CTNNA3: variants seen among roughly 807,000 people sequenced by gnomAD.
The protein encoded by CTNNA3 is catenin alpha-3.
Under a neutral mutation model 95.7 loss-of-function variants are expected in CTNNA3, and 76 were observed. The observed-to-expected ratio is 0.79, with a 90% CI of 0.66 to 0.96. CTNNA3 has a LOEUF of 0.96. Among genes scored for constraint, CTNNA3 ranks in the 40% least tolerant of loss-of-function variants. The probability of loss-of-function intolerance (pLI) is 0.00; values close to 1 mark genes in which losing one functional copy is unlikely to be tolerated. For missense variants in CTNNA3, 1,191 were observed against 1,089.8 expected (o/e 1.09, Z -1.31); for synonymous variants, 431 against 374.4 (o/e 1.15, Z -1.74).
chr10:66,662,382 C>T (rs1372796610), intron 9 of CTNNA3, among the ~76,000 whole-genome samples: 1 of 152,150 alleles, frequency 6.6e-6, no homozygotes, highest in Non-Finnish European at 1.5e-5. Flanking sequence ...AATCCTACTA[C>T]ATTTTGCTGG....
At chr10:67,494,495 C>T (rs1211781364) in intron 5 of CTNNA3, among the ~76,000 whole-genome samples, 1 of 152,146 alleles carries the variant, frequency 6.6e-6, no homozygotes, top group East Asian at 1.9e-4. Flanking sequence ...GCAGCAGCTA[C>T]CTACCAGTCA....
chr10:67,723,750 C>T (rs558574893), intron 1 of CTNNA3, among the ~76,000 whole-genome samples: 216 of 152,280 alleles, frequency 1.4e-3, no homozygotes, highest in Middle Eastern at 3.4e-3. Context: ...CTTAGCCTCA[C>T]TTCTGATTCC....
At chr10:66,527,132 C>T (rs1247680381) in intron 10 of CTNNA3, among the ~76,000 whole-genome samples, 1 of 152,082 alleles carries the variant, frequency 6.6e-6, no homozygotes, top group African/African-American at 2.4e-5. Flanking sequence ...AAACTTCATT[C>T]GTTGCCATGT....
intron 5 of CTNNA3, among the ~76,000 whole-genome samples, chr10:67,400,923 C>T (rs1340731734): frequency 6.6e-6 from 1 of 152,136 alleles, no homozygotes; most frequent in Non-Finnish European, 1.5e-5. Context: ...AAAAACTTTG[C>T]TGTCATCCTC....
At chr10:66,896,013 C>G (rs1437607945) in intron 7 of CTNNA3, among the ~76,000 whole-genome samples, 1 of 151,606 alleles carries the variant, frequency 6.6e-6, no homozygotes, top group Non-Finnish European at 1.5e-5. Flanking sequence ...AGGAGAATTG[C>G]TTGAACCCAG....
At chr10:66,167,786 C>T (rs1564721967) in intron 13 of CTNNA3, among the ~76,000 whole-genome samples, 1 of 152,124 alleles carries the variant, frequency 6.6e-6, no homozygotes, top group African/African-American at 2.4e-5. Context: ...TGATTGGGTA[C>T]AAACTTCCTA....
chr10:66,951,792 A>G (rs1002864101), intron 7 of CTNNA3, among the ~76,000 whole-genome samples: 5 of 152,202 alleles, frequency 3.3e-5, no homozygotes, highest in African/African-American at 1.2e-4. Context: ...GAAGGGATCT[A>G]GAGGACAGAA....
chr10:66,242,093 C>A (rs2090136882), intron 13 of CTNNA3, among the ~76,000 whole-genome samples: 1 of 152,094 alleles, frequency 6.6e-6, no homozygotes, highest in Non-Finnish European at 1.5e-5. Context: ...GCTCAGCCCC[C>A]CTGCCATGTG....
At chr10:66,585,314 G>A (rs2132211637) in intron 10 of CTNNA3, among the ~76,000 whole-genome samples, 1 of 151,854 alleles carries the variant, frequency 6.6e-6, no homozygotes, top group South Asian at 2.1e-4. Flanking sequence ...TCTCCCTCAG[G>A]AATATCTACA....
intron 11 of CTNNA3, among the ~76,000 whole-genome samples, chr10:66,448,562 C>T (rs1564974391): frequency 6.6e-6 from 1 of 151,794 alleles, no homozygotes; most frequent in Non-Finnish European, 1.5e-5. Flanking sequence ...TCATTCTCAG[C>T]AAACTCTCGC....
chr10:66,335,751 T>A (rs1037908486), intron 12 of CTNNA3, among the ~76,000 whole-genome samples: 2 of 152,132 alleles, frequency 1.3e-5, no homozygotes, highest in Non-Finnish European at 2.9e-5. Flanking sequence ...CTACTCTCTT[T>A]AAACCTGTCA....
chr10:66,032,624 C>T (rs2079471682), intron 15 of CTNNA3, among the ~76,000 whole-genome samples: 1 of 152,058 alleles, frequency 6.6e-6, no homozygotes, highest in African/African-American at 2.4e-5. Context: ...CAGATATTTT[C>T]CAGGCACTGT....
intron 12 of CTNNA3, among the ~76,000 whole-genome samples, chr10:66,369,809 C>G (rs929463717): frequency 2.0e-5 from 3 of 152,048 alleles, no homozygotes; most frequent in African/African-American, 7.2e-5. Flanking sequence ...ATTTCGGCAA[C>G]AGCTATAGGT....
intron 9 of CTNNA3, among the ~76,000 whole-genome samples, chr10:66,708,094 A>G (rs966767264): frequency 2.0e-5 from 3 of 152,094 alleles, no homozygotes; most frequent in African/African-American, 7.2e-5. Context: ...AATCCCAAGC[A>G]TGTATTAAAA....
chr10:66,195,877 C>A (rs2086931235), intron 13 of CTNNA3, among the ~76,000 whole-genome samples: 1 of 152,008 alleles, frequency 6.6e-6, no homozygotes, highest in Non-Finnish European at 1.5e-5. Flanking sequence ...TTAGCCATTG[C>A]CACAGTAGTG....
In CTNNA3 at chr10:66,017,010, A is replaced by G. The variant is rs555513011; in HGVS notation, c.2160-28213T>C. On this transcript the variant is annotated intron_variant, in intron 15 of 17. Transcript: ENST00000433211. ...GTATATTTTTCTCTCCCTTTTTTCAATCTAACAATATGGAACTTGAGTTTA... is the reference window on the plus strand; with the variant it reads ...GTATATTTTTCTCTCCCTTTTTTCAGTCTAACAATATGGAACTTGAGTTTA... Among the ~76,000 whole-genome samples the G allele has an allele frequency of 4.6e-5, 7 of 152,156 alleles. No individual in the cohort carries two copies. In the East Asian group the frequency reaches 1.2e-3, roughly 25 times the overall value.
chr10:67,206,812 G>C (rs16924214), intron 6 of CTNNA3, among the ~76,000 whole-genome samples: 7,333 of 151,852 alleles, frequency 0.048, 220 homozygotes, highest in South Asian at 0.11. Flanking sequence ...AATTAAAGGG[G>C]AGAACAATCA....
chr10:67,166,793 C>T (rs1291522955), intron 7 of CTNNA3, among the ~76,000 whole-genome samples: 1 of 152,156 alleles, frequency 6.6e-6, no homozygotes, highest in Non-Finnish European at 1.5e-5. Context: ...GAAGCCATTG[C>T]AAAACCTAAT....
chr10:66,729,948 C>T (rs1196696912), intron 9 of CTNNA3, among the ~76,000 whole-genome samples: 2 of 149,564 alleles, frequency 1.3e-5, no homozygotes, highest in African/African-American at 4.9e-5. Context: ...ACTAAAAATA[C>T]AAAAAAAATT....
Sources: allele counts gnomAD v4.1 joint callset (sites outside exome capture counted in the v4.1 genomes callset), GRCh38; gene constraint gnomAD v4.1.1; transcripts MANE v1.5; gene names NCBI Gene and HGNC (gene_info 2026-07-23, HGNC 2026-07-21).